MFGE8: variants seen among roughly 807,000 people sequenced by gnomAD.
The protein encoded by MFGE8 is lactadherin.
MFGE8 carries 34 observed loss-of-function variants against 42.6 expected under a neutral mutation model. That is an observed-to-expected ratio of 0.80 (90% CI 0.61 to 1.06). The LOEUF is 1.06. MFGE8 is among the 50% of genes least tolerant of loss of function. The pLI, the probability that MFGE8 is intolerant of heterozygous loss-of-function variation, is 0.00. For missense variants in MFGE8, 510 were observed against 516.9 expected, an observed-to-expected ratio of 0.99 and a Z score of 0.13; for synonymous variants, 230 against 214.8, an observed-to-expected ratio of 1.07 and a Z score of -0.62.
intron 5 of MFGE8, 61 bp from the exon 6 acceptor site, chr15:88,901,796 C>T (rs1305131403): frequency 6.5e-7 from 1 of 1,530,492 alleles, no homozygotes; most frequent in Admixed American, 1.7e-5. Flanking sequence ...GGCAGGAGCA[C>T]AAGGCGATGA....
At chr15:88,912,117 A>G in intron 1 of MFGE8, 2 of 1,289,798 alleles carry the variant, frequency 1.6e-6, no homozygotes. Context: ...CTACCCAGCC[A>G]CGTTACCTGT....
rs1898499834 is a variant in MFGE8 at position 88,902,920 on chromosome 15, C to A, written c.686-1185G>T. 6.6e-6 allele frequency: 1 copy of A among 152,214 alleles called. No homozygotes were observed. Among genetic ancestry groups the A allele is most frequent in the Admixed American group, 6.5e-5 (1 of 15,270 alleles). The allele number at this position is 152,214 out of a possible 1,614,324, so 9.4% of individuals were successfully genotyped here. On this transcript the variant is annotated intron_variant, in intron 5 of 7. Coordinates refer to ENST00000268150, the MANE Select transcript of MFGE8 (RefSeq NM_005928.4). The surrounding 1 kb of genome is among the most constrained non-coding windows in gnomAD (Gnocchi z 4.3). ...TCTCACCACTCAAGAGTACTGGGAG[C>A]CAGCTAAGTTATATCACTGCCCACC...
In MFGE8 at chr15:88,899,335, A is replaced by T. The variant is rs1898249300; in HGVS notation, c.*60T>A. 1 of 1,608,428 alleles carries T rather than the reference A, an allele frequency of 6.2e-7. No individual in the cohort carries two copies. Among genetic ancestry groups the T allele is most frequent in the Non-Finnish European group, 8.5e-7 (1 of 1,178,862 alleles). On this transcript the variant is annotated 3_prime_UTR_variant, in exon 8 of 8. Transcript: ENST00000268150. This position sits in a 1 kb window ranked among gnomAD's most constrained non-coding sequence, Gnocchi z 6.8. ...GCCCTATGGTGATTTAAAGGGGCTG[A>T]GAAGCCAAGAGGCAGCGGGCCCATG...
chr15:88,905,475 C>T lies in MFGE8; in HGVS notation c.685+282G>A, dbSNP rs192332016. On this transcript the variant is annotated intron_variant, in intron 5 of 7. Transcript: ENST00000268150. The surrounding 1 kb of genome is among the most constrained non-coding windows in gnomAD (Gnocchi z 6.6). ...CTAACGCTACATGTTCTAGAAGCTA[C>T]AGGAGAGGAGCCAACCAGAAGAAGG... 66 of 603,342 alleles carry T rather than the reference C, an allele frequency of 1.1e-4. No homozygotes were observed. The highest frequency in any genetic ancestry group is 2.0e-4 in the Non-Finnish European group (64 of 322,108). The allele number at this position is 603,342 out of a possible 1,614,324, so 37.4% of individuals were successfully genotyped here.
chr15:88,906,679 T>A lies in MFGE8; in HGVS notation c.487A>T (p.Ser163Cys). The part of the protein sequence containing the change: ...EYLKAFKVAY[S>C]LNGHEFDFIH... ...AAATCGAATTCGTGTCCATTAAGGC[T>A]GTAGGCCACCTTGAAGGCCTTCAGG... Residue 163 changes from serine (S) to cysteine (C), a missense_variant, in exon 4 of 8, where the codon AGC (serine) becomes TGC (cysteine). Coordinates refer to ENST00000268150, the MANE Select transcript of MFGE8 (RefSeq NM_005928.4). This position sits in a 1 kb window ranked among gnomAD's most constrained non-coding sequence, Gnocchi z 4.2. The A allele has an allele frequency of 1.2e-6, 2 of 1,614,098 alleles. No homozygotes were observed. Among genetic ancestry groups the A allele is most frequent in the Non-Finnish European group, 1.7e-6 (2 of 1,179,996 alleles).
At chr15:88,912,784 A>G (rs1207068192) in intron 1 of MFGE8, 2 of 985,324 alleles carry the variant, frequency 2.0e-6, no homozygotes, top group Non-Finnish European at 2.4e-6. Flanking sequence ...GACAATTGGG[A>G]GCGCAAAAAT....
In MFGE8 at chr15:88,898,850, A is replaced by G. The variant is rs1684632844; in HGVS notation, c.*545T>C. 2 of 176,298 alleles carry G rather than the reference A, an allele frequency of 1.1e-5. No individual in the cohort carries two copies. The highest frequency in any genetic ancestry group is 2.7e-4 in the South Asian group (2 of 7,520). The allele number at this position is 176,298 out of a possible 1,614,324, so 10.9% of individuals were successfully genotyped here. ...ACCCCCTTCTGTGTCGCTGGGCTTC[A>G]GGACAAGGGGCAAGAGAGGCAACCA... On this transcript the variant is annotated 3_prime_UTR_variant, in exon 8 of 8. Coordinates refer to ENST00000268150, the MANE Select transcript of MFGE8 (RefSeq NM_005928.4).
At position 88,902,146 on chromosome 15, in the gene MFGE8, G is replaced by A. The variant is rs933073350; in HGVS notation, c.686-411C>T. ...CTCACAGCACTGCCCCCATCGCCTC[G>A]GCCTCCCATCCGTCCCATGGCACAG... On this transcript the variant is annotated intron_variant, in intron 5 of 7. Coordinates refer to ENST00000268150, the MANE Select transcript of MFGE8 (RefSeq NM_005928.4). The surrounding 1 kb of genome is among the most constrained non-coding windows in gnomAD (Gnocchi z 4.3). The A allele has an allele frequency of 2.9e-5, 7 of 238,608 alleles. No homozygotes were observed. The highest frequency in any genetic ancestry group is 1.3e-4 in the African/African-American group (6 of 45,014). The allele number at this position is 238,608 out of a possible 1,614,324, so 14.8% of individuals were successfully genotyped here.
At chr15:88,911,924 T>C (rs1454483660) in intron 1 of MFGE8, among the ~76,000 whole-genome samples, 1 of 152,040 alleles carries the variant, frequency 6.6e-6, no homozygotes, top group Non-Finnish European at 1.5e-5. Context: ...CAAGGAGCTA[T>C]TAGTCATTGG....
chr15:88,901,286 T>G (rs1030249055), intron 6 of MFGE8, among the ~76,000 whole-genome samples: 1 of 100,732 alleles, frequency 9.9e-6, no homozygotes, highest in Admixed American at 9.7e-5. Flanking sequence ...CACACTCACA[T>G]TCACACACAT....
intron 1 of MFGE8, chr15:88,912,977 T>A: frequency 1.0e-6 from 1 of 985,428 alleles, no homozygotes; most frequent in Non-Finnish European, 1.2e-6. Context: ...CGGATTCCTT[T>A]GTCATTATCT....
chr15:88,909,636 GTC>G (rs1207893100), intron 2 of MFGE8, among the ~76,000 whole-genome samples, 154 bp downstream of exon 2: 1 of 152,198 alleles, frequency 6.6e-6, no homozygotes, highest in Non-Finnish European at 1.5e-5. Flanking sequence ...CTGAGGCTCT[GTC>G]TCTCTCTCTG....
intron 1 of MFGE8, 148 bp from the exon 2 acceptor site, chr15:88,910,071 T>C (rs1193123013): frequency 1.0e-5 from 11 of 1,051,978 alleles, no homozygotes; most frequent in South Asian, 1.3e-5. Context: ...GTGTGCTGGA[T>C]GGAGCCTGAG....
intron 6 of MFGE8, among the ~76,000 whole-genome samples, chr15:88,900,512 A>T (rs2141690472): frequency 6.6e-6 from 1 of 152,274 alleles, no homozygotes; most frequent in Middle Eastern, 3.4e-3. Context: ...ACAGGCAGGC[A>T]GCTCCTCAGG....
rs536364070 is a variant in MFGE8, at chr15:88,900,143, G to T, written c.871-332C>A. 2.0e-5 allele frequency among the ~76,000 whole-genome samples: 3 copies of T among 151,662 alleles called. No homozygotes were observed. In the South Asian group the frequency reaches 6.3e-4, roughly 32 times the overall value. ...TGTAATCCCAGCTACTAGGGAGGCT[G>T]AGTCAGAAGAACCGCTTGAACCTGG... is the stretch of plus-strand genomic sequence containing the variant. On this transcript the variant is annotated intron_variant, in intron 6 of 7. Transcript: ENST00000268150.
chr15:88,907,009 C>T (rs550931882), intron 3 of MFGE8, among the ~76,000 whole-genome samples, 186 bp downstream of exon 3: 1 of 152,238 alleles, frequency 6.6e-6, no homozygotes, highest in Admixed American at 6.5e-5. Context: ...CTCCTCCCCC[C>T]TCACCTTGAC....
At position 88,909,924 on chromosome 15, in the gene MFGE8, C is replaced by A. The variant is rs1160984921; in HGVS notation, c.74-1G>T. 3 of 1,614,056 alleles carry A rather than the reference C, an allele frequency of 1.9e-6. No individual in the cohort carries two copies. Among genetic ancestry groups the A allele is most frequent in the Middle Eastern group, 1.6e-4 (1 of 6,062 alleles). ...TGGCAGGGGTTTTTGGAACAGATAT[C>A]TGGGGACAGAGACAGGTAAGATGAG... On this transcript the variant is annotated splice_acceptor_variant, in intron 1 of 7. Transcript: ENST00000268150. LOFTEE classifies it high-confidence loss of function.
intron 6 of MFGE8, chr15:88,900,746 T>C (rs1286491909): frequency 1.0e-6 from 1 of 985,290 alleles, no homozygotes; most frequent in Admixed American, 6.1e-5. Context: ...TTTCCATGGC[T>C]CTCTTTTGTT....
chr15:88,912,598 C>A (rs1419646011), intron 1 of MFGE8: 1 of 985,148 alleles, frequency 1.0e-6, no homozygotes, highest in Non-Finnish European at 1.2e-6. Context: ...CGGAGGAGGA[C>A]CGGGGAAGAT....
Sources: gnomAD v4.1 joint callset for allele counts (sites outside exome capture counted in the v4.1 genomes callset) on GRCh38, gnomAD v4.1.1 for gene constraint, Gnocchi (gnomAD v3.1) non-coding constraint, MANE v1.5 for transcripts, NCBI Gene and HGNC (gene_info 2026-07-23, HGNC 2026-07-21) for gene names.